The following ACOX1 variants were observed in gnomAD, a reference collection of about 807,000 sequenced individuals.
The protein encoded by ACOX1 is peroxisomal acyl-coenzyme A oxidase 1.
In ACOX1, 41 loss-of-function variants were observed where a neutral mutation model predicts 75.5. That is an observed-to-expected ratio of 0.54 (90% CI 0.42 to 0.70). The LOEUF (loss-of-function observed/expected upper bound fraction) is 0.70. Among genes scored for constraint, ACOX1 ranks in the 30% least tolerant of loss-of-function variants. The probability of loss-of-function intolerance (pLI) is 0.00; values close to 1 mark genes in which losing one functional copy is unlikely to be tolerated. For synonymous variants in ACOX1, 303 were observed against 298.8 expected, an observed-to-expected ratio of 1.01 and a Z score of -0.15; for missense variants, 630 against 837.5, an observed-to-expected ratio of 0.75 and a Z score of 3.06.
intron 2 of ACOX1, among the ~76,000 whole-genome samples, chr17:75,963,455 A>C (rs1214778072): frequency 6.6e-6 from 1 of 152,138 alleles, no homozygotes; most frequent in East Asian, 1.9e-4. Context: ...TAATCCCAGC[A>C]CTTTGGGAGG....
chr17:75,977,721 G>A (rs2066067262), intron 2 of ACOX1, among the ~76,000 whole-genome samples: 1 of 152,094 alleles, frequency 6.6e-6, no homozygotes, highest in African/African-American at 2.4e-5. Context: ...AGAACTACTG[G>A]GTTCTTAGAC....
At position 75,955,887 on chromosome 17, in the gene ACOX1, T is replaced by C. The variant is rs879146160; in HGVS notation, c.599A>G (p.Tyr200Cys). 3.7e-6 allele frequency: 6 copies of C among 1,614,184 alleles called. No individual in the cohort carries two copies. The highest frequency in any genetic ancestry group is 5.1e-6 in the Non-Finnish European group (6 of 1,180,014). The change falls in exon 5 of 14, where the codon TAT becomes TGT. Residue 200 changes from tyrosine to cysteine, a missense_variant. Tyr to Cys is a radical substitution (Grantham distance 194). Coordinates refer to ENST00000293217, the MANE Select transcript of ACOX1 (RefSeq NM_004035.7). ...LAQLITKGKC[Y>C]GLHAFIVPIR... Reference sequence around the variant, plus strand: ...AGGTACGATAAAGGCATGTAATCCATAGCATTTCCCCTTAGTGATGAGCTG... The same window carrying C: ...AGGTACGATAAAGGCATGTAATCCACAGCATTTCCCCTTAGTGATGAGCTG...
chr17:75,971,416 T>C (rs1294210942), intron 2 of ACOX1, among the ~76,000 whole-genome samples: 1 of 151,994 alleles, frequency 6.6e-6, no homozygotes, highest in Non-Finnish European at 1.5e-5. Context: ...ACCAGTATAG[T>C]TCAAGTCTTC....
At chr17:75,957,943 A>C (rs1252855065) in intron 3 of ACOX1, among the ~76,000 whole-genome samples, 2 of 152,234 alleles carry the variant, frequency 1.3e-5, no homozygotes, top group African/African-American at 4.8e-5. Flanking sequence ...CAAGTATGCC[A>C]ATTTCAAGTC....
intron 2 of ACOX1, among the ~76,000 whole-genome samples, chr17:75,962,105 T>C (rs1028989213): frequency 5.3e-5 from 8 of 152,108 alleles, no homozygotes; most frequent in Non-Finnish European, 1.2e-4. Flanking sequence ...TCATTCAGAT[T>C]CATCATGTCA....
chr17:75,957,577 A>G lies in ACOX1; in HGVS notation c.431-11T>C. ...CTCGAAGGTGAGTTCCTAAGGAGAT[A>G]AATTACATTGACTTCAGTTAAGAGA... On this transcript the variant is annotated splice_polypyrimidine_tract_variant and intron_variant, in intron 3 of 13. Transcript: ENST00000293217. The G allele has an allele frequency of 6.2e-7, 1 of 1,607,830 alleles. No homozygotes were observed. The highest frequency in any genetic ancestry group is 8.5e-7 in the Non-Finnish European group (1 of 1,174,338).
At chr17:75,948,153 T>G (rs1007286987) in intron 13 of ACOX1, 98 bp downstream of exon 13, 2 of 1,283,360 alleles carry the variant, frequency 1.6e-6, no homozygotes, top group African/African-American at 2.9e-5. Context: ...CCATGGTACT[T>G]TCAGAGCTTT....
chr17:75,962,961 T>A lies in ACOX1; in HGVS notation c.270-2586A>T, dbSNP rs185476020. The stretch of plus-strand genomic sequence containing the variant: ...GCCTGGTCAACAGGGTGAAACCCCA[T>A]CTCTACTAAAAATACAAAAACTAGC... On this transcript the variant is annotated intron_variant, in intron 2 of 13. Transcript: ENST00000293217. 2.2e-3 allele frequency among the ~76,000 whole-genome samples: 332 copies of A among 152,062 alleles called. 7 individuals are homozygous for A. The highest frequency in any genetic ancestry group is 5.0e-4 in the Non-Finnish European group (34 of 67,984).
rs758809141 is a variant in ACOX1, at chr17:75,949,738, T to C, written c.1458A>G (p.Ala486=). ...CTCACCTGGCTGCACGGAGTTTATA[T>C]GCTTCGGTTAGGCTTTCGGGGCTGT... ...DINSPESLTE[A]YKLRAARLVE... is the part of the protein sequence containing the mutation. The change falls in exon 10 of 14, where the codon GCA becomes GCG. Residue 486 remains alanine, a synonymous_variant. Transcript: ENST00000293217. The C allele has an allele frequency of 3.3e-5, 53 of 1,614,086 alleles. No individual in the cohort carries two copies. The highest frequency in any genetic ancestry group is 4.3e-5 in the Non-Finnish European group (51 of 1,180,046).
intron 2 of ACOX1, among the ~76,000 whole-genome samples, chr17:75,975,050 CAAAAAAA>C (rs1022347068): frequency 7.4e-5 from 3 of 40,272 alleles, no homozygotes; most frequent in Admixed American, 2.9e-4. Context: ...ACTCTGTCTC[CAAAAAAA>C]AAAAAAAAAA....
In ACOX1 at chr17:75,945,640, T is replaced by C. The variant is rs2144224477; in HGVS notation, c.*1108A>G. On this transcript the variant is annotated 3_prime_UTR_variant, in exon 14 of 14. Coordinates refer to ENST00000293217, the MANE Select transcript of ACOX1 (RefSeq NM_004035.7). Reference sequence around the variant, plus strand: ...TTAAGTATAGAATGATTGTATAAATTAGATTTCAACTGAAAGGACAATTAG... The same window carrying C: ...TTAAGTATAGAATGATTGTATAAATCAGATTTCAACTGAAAGGACAATTAG... The C allele has an allele frequency of 6.5e-6, 1 of 153,872 alleles. No individual in the cohort carries two copies. The highest frequency in any genetic ancestry group is 2.1e-4 in the South Asian group (1 of 4,828). The allele number at this position is 153,872 out of a possible 1,614,324, so 9.5% of individuals were successfully genotyped here. A position where few individuals can be genotyped will look rare whatever the true frequency, so the allele number is the denominator to read the frequency against.
rs1289450501 is a variant in ACOX1 at position 75,978,903 on chromosome 17, C to T, written c.109+62G>A. ...CTAGGCCCCACAGCGCCCCTGACTCCGCATCGAGGGAGTCTCCAGCTTTTC... is the reference window on the plus strand; with the variant it reads ...CTAGGCCCCACAGCGCCCCTGACTCTGCATCGAGGGAGTCTCCAGCTTTTC... On this transcript the variant is annotated intron_variant, in intron 1 of 13. Coordinates refer to ENST00000293217, the MANE Select transcript of ACOX1 (RefSeq NM_004035.7). The surrounding 1 kb of genome is among the most constrained non-coding windows in gnomAD (Gnocchi z 4.2). 6.2e-7 allele frequency: 1 copy of T among 1,602,868 alleles called. No individual in the cohort carries two copies. The highest frequency in any genetic ancestry group is 8.5e-7 in the Non-Finnish European group (1 of 1,178,250).
At position 75,955,818 on chromosome 17, in the gene ACOX1, C is replaced by T. The variant is rs2144255509; in HGVS notation, c.658+10G>A. On this transcript the variant is annotated intron_variant, in intron 5 of 13. Transcript: ENST00000293217. ...CATTTTCATCTCAACATCAGATGAA[C>T]AGTTCTTACCTGGCAAAGGCTTATG... The T allele has an allele frequency of 6.2e-7, 1 of 1,614,156 alleles. No individual in the cohort carries two copies. The highest frequency in any genetic ancestry group is 2.2e-5 in the East Asian group (1 of 44,874).
At position 75,969,623 on chromosome 17, in the gene ACOX1, C is replaced by T. The variant is rs967174025; in HGVS notation, c.269+8911G>A. Among the ~76,000 whole-genome samples the T allele has an allele frequency of 6.6e-5, 10 of 152,208 alleles. No homozygotes were observed. In the East Asian group the frequency reaches 1.2e-3, roughly 18 times the overall value. ...TGTTAAGCCTAGGGAGAGAGGGCAACGGAGTGCGGTAAAGACTGATGACTT... is the reference window on the plus strand; with the variant it reads ...TGTTAAGCCTAGGGAGAGAGGGCAATGGAGTGCGGTAAAGACTGATGACTT... On this transcript the variant is annotated intron_variant, in intron 2 of 13. Coordinates refer to ENST00000293217, the MANE Select transcript of ACOX1 (RefSeq NM_004035.7).
At position 75,968,393 on chromosome 17, in the gene ACOX1, G is replaced by A. The variant is rs188011759; in HGVS notation, c.270-8018C>T. 3.5e-3 allele frequency among the ~76,000 whole-genome samples: 451 copies of A among 128,616 alleles called. 2 individuals carry two copies. The highest frequency in any genetic ancestry group is 0.014 in the African/African-American group (430 of 30,758). 84.4% of individuals were successfully genotyped at this position (128,616 alleles called of 152,430 possible). On this transcript the variant is annotated intron_variant, in intron 2 of 13. Transcript: ENST00000293217. ...GGAGCTTGCAGTGAGCCGAGATCCC[G>A]CCACTGCACTCCAGCCTGGGCGACA...
rs150349294 is a variant in ACOX1, at chr17:75,949,514, T to C, written c.1565A>G (p.Asp522Gly). 9 of 1,614,192 alleles carry C rather than the reference T, an allele frequency of 5.6e-6. No individual in the cohort carries two copies. The East Asian group carries it at 2.0e-4, about 36-fold the overall frequency. Reference protein sequence around the residue: ...KEVAWNLTSVDLVRASEAHCH... With the variant: ...KEVAWNLTSVGLVRASEAHCH... The stretch of plus-strand genomic sequence containing the variant: ...ACTGACCTCACTTGCTCGAACAAGG[T>C]CAACAGAAGTTAGGTTCCAAGCTAC... The change falls in exon 11 of 14, where the codon GAC becomes GGC. Residue 522 changes from aspartate (D) to glycine (G), a missense_variant. Around this residue, in one of 2 missense-constraint regions of ACOX1, gnomAD observed 240 missense variants for 262.7 expected, o/e 0.91. Transcript: ENST00000293217.
intron 2 of ACOX1, among the ~76,000 whole-genome samples, chr17:75,967,565 G>A (rs909571613): frequency 1.4e-5 from 2 of 147,188 alleles, no homozygotes; most frequent in African/African-American, 2.5e-5. Context: ...AAGCAAAAAC[G>A]TTTAGCAAAG....
chr17:75,970,875 A>C (rs573415730), intron 2 of ACOX1, among the ~76,000 whole-genome samples: 1 of 152,370 alleles, frequency 6.6e-6, no homozygotes, highest in Non-Finnish European at 1.5e-5. Flanking sequence ...CAAGGAAAAG[A>C]TCAGTCATCA....
chr17:75,950,687 G>A lies in ACOX1; in HGVS notation c.1298+87C>T, dbSNP rs1346140244. The A allele has an allele frequency of 1.4e-6, 2 of 1,426,460 alleles. No homozygotes were observed. Among genetic ancestry groups the A allele is most frequent in the African/African-American group, 1.4e-5 (1 of 70,862 alleles). The allele number at this position is 1,426,460 out of a possible 1,614,324, so 88.4% of individuals were successfully genotyped here. A position where few individuals can be genotyped will look rare whatever the true frequency, so the allele number is the denominator to read the frequency against. On this transcript the variant is annotated intron_variant, in intron 9 of 13. Coordinates refer to ENST00000293217, the MANE Select transcript of ACOX1 (RefSeq NM_004035.7). The surrounding 1 kb of genome is among the most constrained non-coding windows in gnomAD (Gnocchi z 4.3). ...TCAGGAACAAATATATATATACGGT[G>A]AAGAAAAACCATGGGAACAAGAACC... is the stretch of plus-strand genomic sequence containing the variant.
Sources: gnomAD v4.1 joint callset for allele counts (sites outside exome capture counted in the v4.1 genomes callset) on GRCh38, gnomAD v4.1.1 for gene constraint, gnomAD v4.1.1 regional missense constraint, Gnocchi (gnomAD v3.1) non-coding constraint, MANE v1.5 for transcripts, NCBI Gene and HGNC (gene_info 2026-07-23, HGNC 2026-07-21) for gene names.